The following UBE2H variants were observed in gnomAD, a reference collection of about 807,000 sequenced individuals.
UBE2H encodes ubiquitin conjugating enzyme E2 H.
In UBE2H, 3 loss-of-function variants were observed where a neutral mutation model predicts 29.0. The observed-to-expected ratio is 0.10, with a 90% confidence interval of 0.05 to 0.27. The LOEUF (loss-of-function observed/expected upper bound fraction) is 0.27, where lower values mean the gene tolerates loss of function less well. UBE2H is among the 10% of genes least tolerant of loss of function. The pLI is 1.00. For missense variants in UBE2H, 68 were observed against 228.2 expected (o/e 0.30, Z 4.52); for synonymous variants, 69 against 82.9 (o/e 0.83, Z 0.91).
intron 5 of UBE2H, among the ~76,000 whole-genome samples, chr7:129,846,593 A>G (rs79377690): frequency 5.3e-5 from 8 of 151,988 alleles, no homozygotes; most frequent in South Asian, 2.1e-4. Context: ...TGTAATATAC[A>G]CTGCTTTCTG....
At chr7:129,858,815 A>C in intron 4 of UBE2H, 87 bp downstream of exon 4, 1 of 1,312,548 alleles carries the variant, frequency 7.6e-7, no homozygotes, top group Non-Finnish European at 1.1e-6. Context: ...AGGTCCAAAA[A>C]GATAACCGAG....
intron 1 of UBE2H, among the ~76,000 whole-genome samples, chr7:129,925,240 C>T (rs181791963): frequency 3.6e-4 from 54 of 151,956 alleles, no homozygotes; most frequent in Admixed American, 1.8e-3. Context: ...CCCAGCTACT[C>T]GGGAGGCTGA....
chr7:129,936,226 C>T (rs1239525300), intron 1 of UBE2H, among the ~76,000 whole-genome samples: 2 of 152,154 alleles, frequency 1.3e-5, no homozygotes, highest in Non-Finnish European at 2.9e-5. Context: ...CATGTTTTAT[C>T]CAATTCATTC....
At chr7:129,865,758 C>T (rs576995973) in intron 3 of UBE2H, among the ~76,000 whole-genome samples, 3 of 152,328 alleles carry the variant, frequency 2.0e-5, no homozygotes, top group Non-Finnish European at 4.4e-5. Context: ...ATAAAGTAGA[C>T]TGTTCACAAC....
chr7:129,849,200 C>T (rs1805565057), intron 5 of UBE2H, among the ~76,000 whole-genome samples: 1 of 152,084 alleles, frequency 6.6e-6, no homozygotes, highest in Non-Finnish European at 1.5e-5. Context: ...GACAGCCCCT[C>T]AAGGAAAACT....
chr7:129,852,589 C>T (rs1805631173), intron 5 of UBE2H, among the ~76,000 whole-genome samples: 2 of 152,186 alleles, frequency 1.3e-5, no homozygotes, highest in African/African-American at 4.8e-5. Context: ...AAGACTTTTC[C>T]CAAATGTTGA....
chr7:129,876,765 A>C (rs1806151606), intron 3 of UBE2H, among the ~76,000 whole-genome samples: 1 of 151,532 alleles, frequency 6.6e-6, no homozygotes, highest in Non-Finnish European at 1.5e-5. Context: ...CATAAGAATA[A>C]GTTCATAACC....
chr7:129,942,529 T>C (rs576906195), intron 1 of UBE2H, among the ~76,000 whole-genome samples: 63 of 152,302 alleles, frequency 4.1e-4, no homozygotes, highest in African/African-American at 1.4e-3. Context: ...TATCAAAGGA[T>C]ATCCTAACTC....
At chr7:129,865,722 C>T (rs1340698836) in intron 3 of UBE2H, among the ~76,000 whole-genome samples, 5 of 152,324 alleles carry the variant, frequency 3.3e-5, no homozygotes, top group South Asian at 2.1e-4. Flanking sequence ...TCATTCTGAT[C>T]GTCTATCTTC....
chr7:129,901,174 T>C (rs1460666250), intron 1 of UBE2H, among the ~76,000 whole-genome samples: 1 of 152,240 alleles, frequency 6.6e-6, no homozygotes. Flanking sequence ...TGTCTCAACA[T>C]GTTTAAACAC....
intron 5 of UBE2H, 122 bp from the exon 6 acceptor site, chr7:129,839,457 G>C: frequency 7.4e-7 from 1 of 1,348,306 alleles, no homozygotes; most frequent in Non-Finnish European, 1.0e-6. Context: ...CTCCATACGA[G>C]TGTGCTCTAT....
chr7:129,868,294 A>C (rs890328827), intron 3 of UBE2H, among the ~76,000 whole-genome samples: 8 of 152,246 alleles, frequency 5.3e-5, no homozygotes, highest in Admixed American at 1.3e-4. Flanking sequence ...TAAAACTGGC[A>C]TAAGTCAACT....
chr7:129,839,998 C>A (rs778522607), intron 5 of UBE2H, among the ~76,000 whole-genome samples: 10 of 152,122 alleles, frequency 6.6e-5, no homozygotes, highest in Admixed American at 2.0e-4. Flanking sequence ...GTGTGAACCA[C>A]TGCGCTCAGC....
intron 5 of UBE2H, among the ~76,000 whole-genome samples, chr7:129,856,055 A>AG (rs1425468573): frequency 1.3e-5 from 2 of 152,198 alleles, no homozygotes; most frequent in African/African-American, 4.8e-5. Context: ...CACAAAGATC[A>AG]GGGGGGAATA....
At chr7:129,865,723 G>A (rs558341053) in intron 3 of UBE2H, among the ~76,000 whole-genome samples, 27 of 152,310 alleles carry the variant, frequency 1.8e-4, no homozygotes, top group South Asian at 1.4e-3. Context: ...CATTCTGATC[G>A]TCTATCTTCA....
rs751362566 is a variant in UBE2H at position 129,880,971 on chromosome 7, G to A, written c.54C>T (p.Leu18=). The A allele has an allele frequency of 6.2e-7, 1 of 1,612,538 alleles. No homozygotes were observed. The highest frequency in any genetic ancestry group is 1.7e-5 in the Admixed American group (1 of 59,674). ...TCGTAACCTCATGTTTACTCTCGAT[G>A]CTAAGGTGGACGGTAAAGGAAATTA... is the stretch of plus-strand genomic sequence containing the variant. ...KRRMDTDVVK[L]IESKHEVTIL... The change falls in exon 2 of 7, where the codon CTC becomes CTT. Residue 18 remains leucine (L), a splice_region_variant and synonymous_variant. Transcript: ENST00000355621.
At chr7:129,877,343 C>T (rs1320861695) in intron 3 of UBE2H, among the ~76,000 whole-genome samples, 2 of 152,038 alleles carry the variant, frequency 1.3e-5, no homozygotes, top group East Asian at 1.9e-4. Flanking sequence ...CTTACCTCCT[C>T]GCCCTTCTGT....
chr7:129,849,326 C>T (rs1805567519), intron 5 of UBE2H, among the ~76,000 whole-genome samples: 1 of 152,200 alleles, frequency 6.6e-6, no homozygotes, highest in Admixed American at 6.5e-5. Flanking sequence ...GCCTGTAATC[C>T]CAGCACTTTG....
At chr7:129,864,269 C>T (rs957017903) in intron 3 of UBE2H, among the ~76,000 whole-genome samples, 4 of 152,126 alleles carry the variant, frequency 2.6e-5, no homozygotes, top group African/African-American at 4.8e-5. Context: ...AGAGAAAGAA[C>T]GGGCCAGAAA....
Sources: gnomAD v4.1 joint callset for allele counts (sites outside exome capture counted in the v4.1 genomes callset) on GRCh38, gnomAD v4.1.1 for gene constraint, MANE v1.5 for transcripts, NCBI Gene and HGNC (gene_info 2026-07-23, HGNC 2026-07-21) for gene names.